Variants in ANKRD44 observed in about 807,000 individuals in gnomAD.
The protein encoded by ANKRD44 is ankyrin repeat domain 44, also known as serine/threonine-protein phosphatase 6 regulatory ankyrin repeat subunit B.
ANKRD44 carries 35 observed loss-of-function variants against 116.0 expected under a neutral mutation model. That is an observed-to-expected ratio of 0.30 (90% CI 0.23 to 0.40). The LOEUF (loss-of-function observed/expected upper bound fraction) is 0.40. ANKRD44 is among the 10% of genes least tolerant of loss of function. The pLI, the probability that ANKRD44 is intolerant of heterozygous loss-of-function variation, is 1.00. For synonymous variants in ANKRD44, 435 were observed against 461.8 expected (o/e 0.94, Z 0.74); for missense variants, 1,014 against 1,242.6 (o/e 0.82, Z 2.77).
At chr2:196,975,061 C>A (rs1022305545) in intron 21 of ANKRD44, among the ~76,000 whole-genome samples, 1 of 152,038 alleles carries the variant, frequency 6.6e-6, no homozygotes. Context: ...AAGTGACAAA[C>A]TTCTACCACG....
rs74438465 is a variant in ANKRD44, at chr2:196,987,377, T to C, written c.*2214A>G. ...CTCTGATAACACTCAAATGAAAAAATACAAAACATTCCACAGAACATTTTC... is the reference window on the plus strand; with the variant it reads ...CTCTGATAACACTCAAATGAAAAAACACAAAACATTCCACAGAACATTTTC... On this transcript the variant is annotated 3_prime_UTR_variant, in exon 28 of 28. Coordinates refer to ENST00000282272, the MANE Select transcript of ANKRD44 (RefSeq NM_001195144.2). The C allele has an allele frequency of 9.0e-4, 891 of 985,000 alleles. 7 individuals are homozygous for C. In the East Asian group the frequency reaches 0.036, roughly 40 times the overall value. The allele number at this position is 985,000 out of a possible 1,614,324, so 61.0% of individuals were successfully genotyped here. A position where few individuals can be genotyped will look rare whatever the true frequency, so the allele number is the denominator to read the frequency against.
intron 1 of ANKRD44, among the ~76,000 whole-genome samples, chr2:197,272,476 T>C (rs1331121193): frequency 6.6e-6 from 1 of 152,214 alleles, no homozygotes; most frequent in East Asian, 1.9e-4. Context: ...GACCTTGTGA[T>C]CCGCCCGCCT....
intron 24 of ANKRD44, 29 bp downstream of exon 24, chr2:196,998,878 A>C: frequency 6.2e-7 from 1 of 1,608,074 alleles, no homozygotes; most frequent in Non-Finnish European, 8.5e-7. Context: ...CATGGGCATA[A>C]GGGCAAAGTC....
At chr2:197,210,890 G>C (rs996631461) in intron 1 of ANKRD44, among the ~76,000 whole-genome samples, 1 of 152,184 alleles carries the variant, frequency 6.6e-6, no homozygotes, top group Non-Finnish European at 1.5e-5. Flanking sequence ...GGCAGGATGT[G>C]CTCTGTTTGG....
chr2:196,986,829 C>G lies in ANKRD44; in HGVS notation c.*2762G>C. 1.0e-6 allele frequency: 1 copy of G among 985,406 alleles called. No individual in the cohort carries two copies. Among genetic ancestry groups the G allele is most frequent in the Non-Finnish European group, 1.2e-6 (1 of 829,906 alleles). 61.0% of individuals were successfully genotyped at this position (985,406 alleles called of 1,614,324 possible). On this transcript the variant is annotated 3_prime_UTR_variant, in exon 28 of 28. Transcript: ENST00000282272. ...GATTGTTTCAAAGTCATTCACTGAA[C>G]TAAAAGTCATTTTCCCCATTTTTAC...
At chr2:197,061,921 C>T (rs4850753) in intron 16 of ANKRD44, among the ~76,000 whole-genome samples, 93,166 of 151,952 alleles carry the variant, frequency 0.61, 31,608 homozygotes, top group East Asian at 0.85. Context: ...GCTGGGATTA[C>T]AGGCATGCGC....
At chr2:197,148,347 C>A (rs72926637) in intron 2 of ANKRD44, among the ~76,000 whole-genome samples, 4 of 152,158 alleles carry the variant, frequency 2.6e-5, no homozygotes, top group East Asian at 3.8e-4. Flanking sequence ...CTAGTCTACA[C>A]GTATGGTTTC....
intron 27 of ANKRD44, chr2:196,992,715 G>C (rs889118590): frequency 2.0e-5 from 3 of 152,506 alleles, no homozygotes; most frequent in Admixed American, 6.6e-5. Flanking sequence ...AGGATACATG[G>C]GGCTGCAAAA....
chr2:197,170,299 GA>G (rs1412349803), intron 2 of ANKRD44, among the ~76,000 whole-genome samples: 28 of 151,396 alleles, frequency 1.8e-4, no homozygotes, highest in African/African-American at 6.1e-4. Flanking sequence ...GGAATTCTCA[GA>G]ACCTTTAATA....
At chr2:197,163,131 G>A (rs1427513417) in intron 2 of ANKRD44, among the ~76,000 whole-genome samples, 1 of 152,192 alleles carries the variant, frequency 6.6e-6, no homozygotes, top group African/African-American at 2.4e-5. Flanking sequence ...GACCATCTCA[G>A]AACCCTCAGC....
At chr2:197,158,551 G>A (rs2079878860) in intron 2 of ANKRD44, among the ~76,000 whole-genome samples, 1 of 152,192 alleles carries the variant, frequency 6.6e-6, no homozygotes, top group South Asian at 2.1e-4. Flanking sequence ...TGATGAAAGG[G>A]TAAAAAGAAG....
chr2:197,021,133 T>G (rs948673999), intron 17 of ANKRD44, among the ~76,000 whole-genome samples: 1 of 152,222 alleles, frequency 6.6e-6, no homozygotes, highest in Non-Finnish European at 1.5e-5. Flanking sequence ...GAACTCATCC[T>G]TTTTTATGGC....
chr2:197,091,476 C>A (rs2078042033), intron 10 of ANKRD44, among the ~76,000 whole-genome samples: 1 of 152,208 alleles, frequency 6.6e-6, no homozygotes, highest in Non-Finnish European at 1.5e-5. Context: ...ACTTCAGCCT[C>A]CTGAGTAGCT....
chr2:197,129,022 A>G (rs1224688228), intron 4 of ANKRD44, among the ~76,000 whole-genome samples: 1 of 150,412 alleles, frequency 6.6e-6, no homozygotes, highest in African/African-American at 2.5e-5. Flanking sequence ...AAATTGCCCT[A>G]AAAGTTTCTG....
intron 1 of ANKRD44, among the ~76,000 whole-genome samples, chr2:197,262,235 T>C (rs1004458303): frequency 1.3e-5 from 2 of 152,214 alleles, no homozygotes; most frequent in African/African-American, 4.8e-5. Context: ...AGTATCTTCC[T>C]GTAGAGAAAC....
At chr2:197,151,299 G>A (rs544636836) in intron 2 of ANKRD44, among the ~76,000 whole-genome samples, 3 of 152,116 alleles carry the variant, frequency 2.0e-5, no homozygotes, top group African/African-American at 7.2e-5. Context: ...ACGTGGAAAC[G>A]TTCACCATAA....
intron 17 of ANKRD44, chr2:197,015,910 G>C: frequency 5.7e-6 from 3 of 526,710 alleles, no homozygotes; most frequent in Non-Finnish European, 1.1e-5. Context: ...ATCAAATTTT[G>C]GATCCATGAA....
chr2:197,047,251 C>T (rs1488781218), intron 16 of ANKRD44, among the ~76,000 whole-genome samples: 2 of 152,080 alleles, frequency 1.3e-5, no homozygotes, highest in African/African-American at 2.4e-5. Context: ...AACTCCTGAC[C>T]TCAAGTGATC....
chr2:197,062,368 A>C (rs1234560558), intron 16 of ANKRD44, among the ~76,000 whole-genome samples: 3 of 152,190 alleles, frequency 2.0e-5, no homozygotes, highest in Non-Finnish European at 4.4e-5. Context: ...AGGATACATG[A>C]GGTTATCAGA....
Sources: allele counts gnomAD v4.1 joint callset (sites outside exome capture counted in the v4.1 genomes callset), GRCh38; gene constraint gnomAD v4.1.1; transcripts MANE v1.5; gene names NCBI Gene and HGNC (gene_info 2026-07-23, HGNC 2026-07-21).